Variants in KCNIP4 observed in about 807,000 individuals in gnomAD.
KCNIP4 encodes the protein potassium voltage-gated channel interacting protein 4.
In KCNIP4, 12 loss-of-function variants were observed where a neutral mutation model predicts 34.0. The observed-to-expected ratio is 0.35, with a 90% CI of 0.23 to 0.57. The LOEUF is 0.57. KCNIP4 is among the 20% of genes least tolerant of loss of function. KCNIP4 has a pLI of 0.83. For synonymous variants in KCNIP4, 124 were observed against 102.2 expected, an observed-to-expected ratio of 1.21 and a Z score of -1.29; for missense variants, 238 against 311.7, an observed-to-expected ratio of 0.76 and a Z score of 1.78.
At chr4:21,556,716 T>C (rs1739040791) in intron 1 of KCNIP4, among the ~76,000 whole-genome samples, 1 of 150,398 alleles carries the variant, frequency 6.6e-6, no homozygotes, top group Non-Finnish European at 1.5e-5. Context: ...AGGTCAGGAG[T>C]TCCAGACCTG....
At chr4:21,487,422 G>T (rs1732014188) in intron 1 of KCNIP4, among the ~76,000 whole-genome samples, 1 of 152,104 alleles carries the variant, frequency 6.6e-6, no homozygotes, top group Non-Finnish European at 1.5e-5. Flanking sequence ...TTATCAACAT[G>T]ACTTCACTGT....
chr4:21,614,025 C>T (rs940799718), intron 1 of KCNIP4, among the ~76,000 whole-genome samples: 1 of 151,544 alleles, frequency 6.6e-6, no homozygotes, highest in African/African-American at 2.4e-5. Flanking sequence ...GTAGCATGCA[C>T]CTGTAATCCA....
intron 1 of KCNIP4, among the ~76,000 whole-genome samples, chr4:20,906,164 CAG>C (rs1727748542): frequency 6.6e-6 from 1 of 150,680 alleles, no homozygotes. Flanking sequence ...AGCCTCCCAA[CAG>C]GGGGATTTTA....
intron 1 of KCNIP4, among the ~76,000 whole-genome samples, chr4:21,410,021 C>T (rs955966516): frequency 2.6e-5 from 4 of 152,156 alleles, no homozygotes; most frequent in East Asian, 1.9e-4. Context: ...AAAATAAGCA[C>T]AATTTGTACC....
chr4:21,310,279 G>T (rs1029303380), intron 1 of KCNIP4, among the ~76,000 whole-genome samples: 1 of 152,072 alleles, frequency 6.6e-6, no homozygotes, highest in East Asian at 1.9e-4. Flanking sequence ...CATGTGATCC[G>T]TCCGCCTCTG....
At chr4:21,244,059 C>T (rs1021987993) in intron 1 of KCNIP4, among the ~76,000 whole-genome samples, 1 of 152,144 alleles carries the variant, frequency 6.6e-6, no homozygotes, top group African/African-American at 2.4e-5. Context: ...AAAATTAGCA[C>T]TGGCCCATTC....
At chr4:20,864,902 G>A (rs530698195) in intron 2 of KCNIP4, among the ~76,000 whole-genome samples, 2 of 152,028 alleles carry the variant, frequency 1.3e-5, no homozygotes, top group Non-Finnish European at 2.9e-5. Flanking sequence ...ATGGATAAGA[G>A]TGTCTTCATC....
At chr4:21,486,846 C>T (rs562528244) in intron 1 of KCNIP4, among the ~76,000 whole-genome samples, 2 of 150,038 alleles carry the variant, frequency 1.3e-5, no homozygotes, top group East Asian at 3.9e-4. Context: ...GCTCTGTCAC[C>T]CAGGCTGTAG....
chr4:21,899,681 C>T (rs1727600032), intron 1 of KCNIP4, among the ~76,000 whole-genome samples: 1 of 151,944 alleles, frequency 6.6e-6, no homozygotes, highest in Non-Finnish European at 1.5e-5. Flanking sequence ...AAAGTAATCC[C>T]ATTTGCAACA....
At chr4:21,629,472 A>G (rs1745560102) in intron 1 of KCNIP4, among the ~76,000 whole-genome samples, 1 of 152,178 alleles carries the variant, frequency 6.6e-6, no homozygotes, top group Non-Finnish European at 1.5e-5. Flanking sequence ...AAATGCCCCT[A>G]TTTGATGCCC....
chr4:21,904,171 GA>G (rs1255362929), intron 1 of KCNIP4, among the ~76,000 whole-genome samples: 1 of 151,890 alleles, frequency 6.6e-6, no homozygotes, highest in Non-Finnish European at 1.5e-5. Flanking sequence ...AAACAAACAG[GA>G]AAAAAAATTC....
chr4:21,009,829 C>T (rs535008807), intron 1 of KCNIP4, among the ~76,000 whole-genome samples: 2 of 152,316 alleles, frequency 1.3e-5, no homozygotes, highest in Admixed American at 6.5e-5. Context: ...GGAAAAATTC[C>T]GTTCACCTTC....
At chr4:21,603,041 G>T (rs558325892) in intron 1 of KCNIP4, among the ~76,000 whole-genome samples, 72 of 151,942 alleles carry the variant, frequency 4.7e-4, no homozygotes, top group African/African-American at 1.6e-3. Flanking sequence ...CCAATATATT[G>T]TTTTTTGGAA....
Position 21,531,324 on chromosome 4 carries a change from C to T in KCNIP4, c.61+417247G>A, listed in dbSNP as rs1736653227. Among the ~76,000 whole-genome samples, 3 of 119,956 alleles carry T rather than the reference C, an allele frequency of 2.5e-5. No homozygotes were observed. The South Asian group carries it at 1.1e-3, about 46-fold the overall frequency. 78.7% of individuals were successfully genotyped at this position (119,956 alleles called of 152,430 possible). A position where few individuals can be genotyped will look rare whatever the true frequency, so the allele number is the denominator to read the frequency against. The stretch of plus-strand genomic sequence containing the variant: ...TCTCTCTTTTCTTCCTTCCTTCCTT[C>T]CTCCCTCCCTCCCTTCCCCTCCCCC... On this transcript the variant is annotated intron_variant, in intron 1 of 8. Transcript: ENST00000382152.
intron 1 of KCNIP4, among the ~76,000 whole-genome samples, chr4:21,354,374 A>G (rs915469204): frequency 6.6e-6 from 1 of 152,170 alleles, no homozygotes; most frequent in African/African-American, 2.4e-5. Context: ...AAGAGTCAAA[A>G]TCCATCAGTG....
intron 1 of KCNIP4, among the ~76,000 whole-genome samples, chr4:21,944,577 A>AAG (rs1252661654): frequency 3.4e-5 from 5 of 145,828 alleles, no homozygotes; most frequent in Admixed American, 2.1e-4. Flanking sequence ...AAAAAAAAAA[A>AAG]AGAGAGATCT....
At chr4:21,233,855 G>T (rs1758984839) in intron 1 of KCNIP4, among the ~76,000 whole-genome samples, 1 of 122,506 alleles carries the variant, frequency 8.2e-6, no homozygotes, top group African/African-American at 3.7e-5. Flanking sequence ...ACACTATATA[G>T]TCAATATGAC....
At chr4:21,150,392 A>G (rs1752673854) in intron 1 of KCNIP4, among the ~76,000 whole-genome samples, 1 of 145,086 alleles carries the variant, frequency 6.9e-6, no homozygotes, top group African/African-American at 2.9e-5. Context: ...ATGTTGGGTC[A>G]CTTGCAAAGC....
chr4:21,250,070 G>T (rs1453056838), intron 1 of KCNIP4, among the ~76,000 whole-genome samples: 1 of 151,494 alleles, frequency 6.6e-6, no homozygotes, highest in Non-Finnish European at 1.5e-5. Flanking sequence ...TTCTGAAAGT[G>T]TAAAGGGAGT....
Sources: allele counts gnomAD v4.1 joint callset (sites outside exome capture counted in the v4.1 genomes callset), GRCh38; gene constraint gnomAD v4.1.1; transcripts MANE v1.5; gene names NCBI Gene and HGNC (gene_info 2026-07-23, HGNC 2026-07-21).